Variants in DHX15 observed in about 807,000 individuals in gnomAD.
The protein encoded by DHX15 is DEAH-box helicase 15.
A neutral mutation model predicts 94.4 loss-of-function variants in DHX15; 11 were observed. The observed-to-expected ratio is 0.12, with a 90% CI of 0.07 to 0.19. The LOEUF (loss-of-function observed/expected upper bound fraction) is 0.19. Among genes scored for constraint, DHX15 ranks in the 10% least tolerant of loss-of-function variants. The pLI, the probability that DHX15 is intolerant of heterozygous loss-of-function variation, is 1.00. For missense variants in DHX15, 304 were observed against 988.5 expected (o/e 0.31, Z 9.29); for synonymous variants, 338 against 329.9 (o/e 1.02, Z -0.27).
intron 1 of DHX15, among the ~76,000 whole-genome samples, chr4:24,582,645 A>G (rs1485468444): frequency 1.3e-5 from 2 of 152,202 alleles, no homozygotes; most frequent in East Asian, 1.9e-4. Context: ...ACTCTTAACT[A>G]CAGTACTGAA....
intron 10 of DHX15, among the ~76,000 whole-genome samples, chr4:24,539,306 A>C (rs1190999074): frequency 6.6e-6 from 1 of 152,156 alleles, no homozygotes; most frequent in Non-Finnish European, 1.5e-5. Flanking sequence ...CCGTGCTAAA[A>C]CTAGTAGCAG....
chr4:24,571,619 G>C (rs778344261), intron 2 of DHX15, among the ~76,000 whole-genome samples: 13 of 152,316 alleles, frequency 8.5e-5, no homozygotes, highest in Admixed American at 3.9e-4. Flanking sequence ...AAAAATGTAA[G>C]TGCTCACCAT....
intron 1 of DHX15, among the ~76,000 whole-genome samples, chr4:24,579,598 C>A (rs576330414): frequency 6.6e-6 from 1 of 152,270 alleles, no homozygotes; most frequent in South Asian, 2.1e-4. Flanking sequence ...TCAATCTTGG[C>A]TCAAGACTTA....
At chr4:24,583,720 G>A (rs1722528204) in intron 1 of DHX15, among the ~76,000 whole-genome samples, 1 of 151,852 alleles carries the variant, frequency 6.6e-6, no homozygotes, top group Admixed American at 6.6e-5. Flanking sequence ...CTTTCTCCCG[G>A]CAGGTCCTCT....
chr4:24,542,904 C>G, intron 7 of DHX15, 36 bp downstream of exon 7: 1 of 1,498,012 alleles, frequency 6.7e-7, no homozygotes, highest in Non-Finnish European at 9.3e-7. Context: ...ACTGTTAAAC[C>G]AACTCTAATT....
intron 6 of DHX15, among the ~76,000 whole-genome samples, chr4:24,548,140 C>CCT (rs1721496401): frequency 9.2e-6 from 1 of 108,164 alleles, no homozygotes; most frequent in Non-Finnish European, 1.8e-5. Flanking sequence ...ATCAGTGCTA[C>CCT]TTTTTTTTTT....
chr4:24,559,877 A>G (rs1344916428), intron 3 of DHX15, among the ~76,000 whole-genome samples: 5 of 152,206 alleles, frequency 3.3e-5, no homozygotes, highest in Non-Finnish European at 5.9e-5. Flanking sequence ...ATGATTGCTA[A>G]AGTTTAAGAA....
In DHX15 at chr4:24,532,262, T is replaced by C. The variant is rs1358989475; in HGVS notation, c.2100+602A>G. 3.3e-5 allele frequency among the ~76,000 whole-genome samples: 5 copies of C among 152,250 alleles called. No homozygotes were observed. The East Asian group carries it at 9.6e-4, about 29-fold the overall frequency. The stretch of plus-strand genomic sequence containing the variant: ...AAACCTTTTAAATTATGTTTCATCT[T>C]TATTGCTACTCAACAGACGTTTTTG... On this transcript the variant is annotated intron_variant, in intron 12 of 13. Transcript: ENST00000336812.
chr4:24,549,727 A>T (rs973768463), intron 5 of DHX15, among the ~76,000 whole-genome samples: 1 of 152,210 alleles, frequency 6.6e-6, no homozygotes, highest in Non-Finnish European at 1.5e-5. Context: ...TGAAGTGAAT[A>T]ACAGTAGGCA....
At chr4:24,573,618 T>TA (rs1057478336) in intron 2 of DHX15, among the ~76,000 whole-genome samples, 7 of 152,196 alleles carry the variant, frequency 4.6e-5, no homozygotes, top group African/African-American at 1.4e-4. Context: ...GGAGTTTTTT[T>TA]AAAAAAAAAT....
At chr4:24,581,032 A>AT (rs1284406034) in intron 1 of DHX15, 3 of 146,454 alleles carry the variant, frequency 2.0e-5, no homozygotes, top group African/African-American at 5.2e-5. Flanking sequence ...TTTATTTTTT[A>AT]TTATTTTTTT....
chr4:24,537,468 AT>A lies in DHX15; in HGVS notation c.1787-296del, dbSNP rs1721220096. The A allele has an allele frequency of 4.4e-6, 1 of 226,290 alleles. No homozygotes were observed. The allele number at this position is 226,290 out of a possible 1,614,324, so 14.0% of individuals were successfully genotyped here. A position where few individuals can be genotyped will look rare whatever the true frequency, so the allele number is the denominator to read the frequency against. On this transcript the variant is annotated intron_variant, in intron 10 of 13. Transcript: ENST00000336812. This position sits in a 1 kb window ranked among gnomAD's most constrained non-coding sequence, Gnocchi z 4.7. ...ATCAGGATACTAAAAAGCTCAACTT[AT>A]TTAAAAAAACCAGTGCTGATAGCTC...
intron 3 of DHX15, among the ~76,000 whole-genome samples, chr4:24,569,625 T>C (rs1722074069): frequency 6.7e-6 from 1 of 149,122 alleles, no homozygotes; most frequent in South Asian, 2.1e-4. Context: ...AGAGAGACTC[T>C]TGTTTCATTT....
At chr4:24,571,686 A>G (rs191709396) in intron 2 of DHX15, among the ~76,000 whole-genome samples, 131 of 152,288 alleles carry the variant, frequency 8.6e-4, no homozygotes, top group South Asian at 1.5e-3. Context: ...AAGCTTCCAA[A>G]CGCCTATCAA....
intron 12 of DHX15, 81 bp downstream of exon 12, chr4:24,532,783 T>C: frequency 8.9e-7 from 1 of 1,122,480 alleles, no homozygotes; most frequent in Non-Finnish European, 1.3e-6. Context: ...CACTTTTGCT[T>C]TTGAGTGGAT....
At chr4:24,534,012 T>C (rs905879710) in intron 11 of DHX15, 6 of 152,190 alleles carry the variant, frequency 3.9e-5, no homozygotes, top group Non-Finnish European at 8.8e-5. Context: ...ACATAACAAA[T>C]ATATAAGTAC....
At chr4:24,531,751 T>A (rs74413949) in intron 12 of DHX15, among the ~76,000 whole-genome samples, 1 of 151,862 alleles carries the variant, frequency 6.6e-6, no homozygotes, top group Non-Finnish European at 1.5e-5. Flanking sequence ...GAACAGAACA[T>A]GTCAAAGAGA....
chr4:24,578,310 GTTAA>G (rs1479520321), intron 1 of DHX15, among the ~76,000 whole-genome samples: 2 of 152,202 alleles, frequency 1.3e-5, no homozygotes, highest in Non-Finnish European at 2.9e-5. Context: ...TAAGGTGACT[GTTAA>G]TTAAGTGTTT....
At chr4:24,576,161 A>G in intron 2 of DHX15, 82 bp downstream of exon 2, 1 of 1,125,606 alleles carries the variant, frequency 8.9e-7, no homozygotes, top group Non-Finnish European at 1.3e-6. Context: ...CAGACAAGGG[A>G]AATGACCACC....
Sources: gnomAD v4.1 joint callset for allele counts (sites outside exome capture counted in the v4.1 genomes callset) on GRCh38, gnomAD v4.1.1 for gene constraint, Gnocchi (gnomAD v3.1) non-coding constraint, MANE v1.5 for transcripts, NCBI Gene and HGNC (gene_info 2026-07-23, HGNC 2026-07-21) for gene names.